MSI2: variants seen among roughly 807,000 people sequenced by gnomAD.
MSI2 encodes the protein RNA-binding protein Musashi homolog 2.
MSI2 carries 17 observed loss-of-function variants against 45.6 expected under a neutral mutation model. The ratio of observed to expected loss-of-function variants is 0.37; its 90% confidence interval spans 0.26 to 0.56. The LOEUF is 0.56. Ranked by LOEUF, MSI2 falls within the 20% of genes least tolerant of loss-of-function variation. MSI2 has a pLI of 0.77. For missense variants in MSI2, 293 were observed against 444.2 expected (o/e 0.66, Z 3.06); for synonymous variants, 156 against 158.2 (o/e 0.99, Z 0.11).
chr17:57,632,953 T>G (rs1823634035), intron 10 of MSI2: 1 of 1,053,992 alleles, frequency 9.5e-7, no homozygotes, highest in African/African-American at 1.7e-5. Flanking sequence ...ATGAGTATTA[T>G]TTTTTTCAAA....
At chr17:57,476,311 G>A (rs1460814525) in intron 6 of MSI2, among the ~76,000 whole-genome samples, 2 of 152,212 alleles carry the variant, frequency 1.3e-5, no homozygotes, top group Non-Finnish European at 2.9e-5. Flanking sequence ...CAACGCATTA[G>A]GAACCTCCTG....
intron 9 of MSI2, 37 bp downstream of exon 9, chr17:57,616,121 G>A: frequency 6.6e-7 from 1 of 1,513,816 alleles, no homozygotes; most frequent in Non-Finnish European, 9.1e-7. Context: ...CCATGGACTG[G>A]GAGGGCTATG....
intron 6 of MSI2, among the ~76,000 whole-genome samples, chr17:57,437,177 G>A (rs137886355): frequency 1.4e-3 from 218 of 152,306 alleles, no homozygotes; most frequent in African/African-American, 5.0e-3. Context: ...ATATTTTTGG[G>A]CAGTAACCTT....
intron 6 of MSI2, among the ~76,000 whole-genome samples, chr17:57,513,701 C>A (rs79283758): frequency 5.3e-5 from 8 of 152,210 alleles, no homozygotes; most frequent in African/African-American, 1.9e-4. Flanking sequence ...GCCTCACCCC[C>A]CTCCCGGGCT....
Position 57,406,354 on chromosome 17 carries a change from C to A in MSI2, c.405+4883C>A, listed in dbSNP as rs747340798. ...AAAGAAACTCCACACACACGGGCTT[C>A]CTCCTTCTCCCCTTCAGGCCCCTCC... On this transcript the variant is annotated intron_variant, in intron 6 of 13. Transcript: ENST00000284073. 7.9e-5 allele frequency among the ~76,000 whole-genome samples: 12 copies of A among 152,178 alleles called. No individual in the cohort carries two copies. The South Asian group carries it at 2.5e-3, about 32-fold the overall frequency.
At chr17:57,312,737 T>C (rs1912502147) in intron 5 of MSI2, among the ~76,000 whole-genome samples, 1 of 152,184 alleles carries the variant, frequency 6.6e-6, no homozygotes, top group Admixed American at 6.5e-5. Flanking sequence ...TAGGATTTTG[T>C]ATGTGTATGA....
At chr17:57,315,711 G>A (rs1262672153) in intron 5 of MSI2, among the ~76,000 whole-genome samples, 11 of 152,126 alleles carry the variant, frequency 7.2e-5, no homozygotes, top group Admixed American at 7.2e-4. Context: ...GTTTAGCGGC[G>A]AGACTTGGAT....
intron 7 of MSI2, among the ~76,000 whole-genome samples, chr17:57,569,806 A>G (rs1245083666): frequency 6.6e-6 from 1 of 152,222 alleles, no homozygotes; most frequent in Non-Finnish European, 1.5e-5. Context: ...TGCTCTGGGT[A>G]TGTGGAACCA....
At chr17:57,409,831 A>AC (rs1294238064) in intron 6 of MSI2, among the ~76,000 whole-genome samples, 1 of 151,924 alleles carries the variant, frequency 6.6e-6, no homozygotes. Flanking sequence ...ACATGGTGAA[A>AC]CCCTGTCTCT....
intron 6 of MSI2, among the ~76,000 whole-genome samples, chr17:57,478,983 C>T (rs997990354): frequency 3.3e-5 from 5 of 152,204 alleles, no homozygotes; most frequent in South Asian, 2.1e-4. Flanking sequence ...GAAAACAGAA[C>T]TCCAGCCTTC....
chr17:57,461,931 T>C (rs2085237777), intron 6 of MSI2, among the ~76,000 whole-genome samples: 1 of 152,166 alleles, frequency 6.6e-6, no homozygotes, highest in South Asian at 2.1e-4. Context: ...CTTTCTGTAT[T>C]AGTTTCCTAG....
At chr17:57,691,817 CT>C in the MSI2 span, among the ~76,000 whole-genome samples, 1 of 152,008 alleles carries the variant, frequency 6.6e-6, no homozygotes, top group African/African-American at 2.4e-5. Flanking sequence ...AGCTGTAGGC[CT>C]TTTATTTATT....
chr17:57,357,556 C>T (rs746728319), intron 5 of MSI2, among the ~76,000 whole-genome samples: 3 of 152,104 alleles, frequency 2.0e-5, no homozygotes, highest in Non-Finnish European at 2.9e-5. Flanking sequence ...CTTGCCAGGG[C>T]GAGGAGAGCT....
chr17:57,367,254 C>A (rs145788605), intron 5 of MSI2, among the ~76,000 whole-genome samples: 1 of 152,092 alleles, frequency 6.6e-6, no homozygotes, highest in Non-Finnish European at 1.5e-5. Flanking sequence ...GAACAAGATG[C>A]GTGGGTGTGT....
intron 2 of MSI2, 117 bp from the exon 3 acceptor site, chr17:57,257,349 C>G: frequency 1.4e-6 from 1 of 700,142 alleles, no homozygotes; most frequent in Non-Finnish European, 2.3e-6. Context: ...AATGCAAAAA[C>G]AAAACAGAAT....
chr17:57,271,602 C>T (rs1908378622), intron 5 of MSI2, among the ~76,000 whole-genome samples: 1 of 152,004 alleles, frequency 6.6e-6, no homozygotes, highest in African/African-American at 2.4e-5. Context: ...CACCTTGGGC[C>T]TTCCTTCATC....
downstream of MSI2, chr17:57,684,720 G>C (rs1446822543): frequency 6.5e-6 from 1 of 152,844 alleles, no homozygotes; most frequent in Non-Finnish European, 1.5e-5. Context: ...TTGCAGAGGA[G>C]GTCTGGGGTC....
chr17:57,266,473 C>T (rs1028890550), intron 5 of MSI2: 35 of 152,214 alleles, frequency 2.3e-4, no homozygotes, highest in African/African-American at 5.5e-4. Context: ...GCAATTCTCC[C>T]GCCTCAGCCT....
At chr17:57,439,268 A>T (rs1452857720) in intron 6 of MSI2, among the ~76,000 whole-genome samples, 1 of 152,132 alleles carries the variant, frequency 6.6e-6, no homozygotes, top group Non-Finnish European at 1.5e-5. Flanking sequence ...ATGGGATTTT[A>T]CAGGTTGGAG....
Sources: allele counts gnomAD v4.1 joint callset (sites outside exome capture counted in the v4.1 genomes callset), GRCh38; gene constraint gnomAD v4.1.1; transcripts MANE v1.5; gene names NCBI Gene and HGNC (gene_info 2026-07-23, HGNC 2026-07-21).